Variants in LIN28B observed in about 807,000 individuals in gnomAD.
The protein encoded by LIN28B is lin-28 RNA binding posttranscriptional regulator B.
LIN28B carries 5 observed loss-of-function variants against 21.9 expected under a neutral mutation model. The observed-to-expected ratio is 0.23, with a 90% confidence interval of 0.12 to 0.48. The LOEUF is 0.48. Among genes scored for constraint, LIN28B ranks in the 20% least tolerant of loss-of-function variants. The probability of loss-of-function intolerance (pLI) is 0.98; values close to 1 mark genes in which losing one functional copy is unlikely to be tolerated. For synonymous variants in LIN28B, 109 were observed against 111.3 expected, an observed-to-expected ratio of 0.98 and a Z score of 0.13; for missense variants, 245 against 310.5, an observed-to-expected ratio of 0.79 and a Z score of 1.58.
chr6:104,963,563 T>C (rs1769798086), intron 2 of LIN28B, among the ~76,000 whole-genome samples: 1 of 152,198 alleles, frequency 6.6e-6, no homozygotes, highest in African/African-American at 2.4e-5. Flanking sequence ...ACTTCTTAAA[T>C]ATTTTTCTCC....
At chr6:105,042,679 T>A (rs1771661097) in intron 3 of LIN28B, among the ~76,000 whole-genome samples, 1 of 152,186 alleles carries the variant, frequency 6.6e-6, no homozygotes, top group East Asian at 1.9e-4. Flanking sequence ...GATCATGTTT[T>A]TAGTTCCAGA....
At chr6:104,985,612 T>G (rs1228107739) in intron 2 of LIN28B, among the ~76,000 whole-genome samples, 1 of 152,190 alleles carries the variant, frequency 6.6e-6, no homozygotes, top group African/African-American at 2.4e-5. Context: ...AACAGAATAG[T>G]TTTAAATTTT....
At chr6:104,955,487 C>T (rs116091033), upstream of LIN28B, among the ~76,000 whole-genome samples, 1 of 152,170 alleles carries the variant, frequency 6.6e-6, no homozygotes, top group South Asian at 2.1e-4. Flanking sequence ...AAAATAACTT[C>T]TATTTTTTAT....
intron 3 of LIN28B, among the ~76,000 whole-genome samples, chr6:105,048,290 T>G (rs1048689070): frequency 3.5e-4 from 54 of 152,264 alleles, no homozygotes; most frequent in African/African-American, 1.3e-3. Context: ...GTGGTTTTTG[T>G]CTTTGGTTCT....
intron 2 of LIN28B, among the ~76,000 whole-genome samples, chr6:105,004,276 AG>A (rs1387064735): frequency 6.6e-6 from 1 of 152,228 alleles, no homozygotes; most frequent in Non-Finnish European, 1.5e-5. Flanking sequence ...AGACACACCC[AG>A]GATCAATACT....
chr6:105,077,251 T>C (rs1412603545), intron 3 of LIN28B, among the ~76,000 whole-genome samples: 2 of 152,144 alleles, frequency 1.3e-5, no homozygotes, highest in East Asian at 1.9e-4. Flanking sequence ...TAACCTGTTG[T>C]TCTTTGTGCT....
intron 2 of LIN28B, among the ~76,000 whole-genome samples, chr6:104,962,883 C>T (rs1452223764): frequency 6.6e-6 from 1 of 151,998 alleles, no homozygotes; most frequent in Non-Finnish European, 1.5e-5. Flanking sequence ...AAAATGTGAA[C>T]ATAAGCAGCT....
At chr6:104,962,538 T>C (rs376740606) in intron 2 of LIN28B, among the ~76,000 whole-genome samples, 1 of 152,250 alleles carries the variant, frequency 6.6e-6, no homozygotes, top group East Asian at 1.9e-4. Flanking sequence ...TTATTGTTAC[T>C]GAGTTAAAGC....
chr6:104,970,030 G>A (rs921006092), intron 2 of LIN28B, among the ~76,000 whole-genome samples: 3 of 152,154 alleles, frequency 2.0e-5, no homozygotes, highest in Non-Finnish European at 4.4e-5. Context: ...AGAGGCTTGT[G>A]AAGTATCTGT....
At chr6:105,036,451 T>C (rs914992017) in intron 3 of LIN28B, among the ~76,000 whole-genome samples, 1 of 152,220 alleles carries the variant, frequency 6.6e-6, no homozygotes, top group Non-Finnish European at 1.5e-5. Flanking sequence ...ATCCAAGTCC[T>C]TTCTTCTTGT....
At chr6:104,943,977 A>G (rs1263605010) in intron 2 of LIN28B, among the ~76,000 whole-genome samples, 1 of 152,186 alleles carries the variant, frequency 6.6e-6, no homozygotes, top group Non-Finnish European at 1.5e-5. Context: ...TGACACAATG[A>G]TGCTCGACAA....
At chr6:105,040,238 C>T (rs1319170149) in intron 3 of LIN28B, among the ~76,000 whole-genome samples, 1 of 152,032 alleles carries the variant, frequency 6.6e-6, no homozygotes, top group African/African-American at 2.4e-5. Context: ...CCTTTTTAGT[C>T]ATTATTTGCT....
At chr6:104,992,350 C>T (rs1250847849) in intron 2 of LIN28B, among the ~76,000 whole-genome samples, 1 of 151,656 alleles carries the variant, frequency 6.6e-6, no homozygotes, top group East Asian at 2.0e-4. Context: ...AGCCACTGCG[C>T]CTGGCCTCAT....
chr6:104,959,449 C>T (rs969920970), intron 2 of LIN28B, among the ~76,000 whole-genome samples: 2 of 152,130 alleles, frequency 1.3e-5, no homozygotes, highest in African/African-American at 4.8e-5. Flanking sequence ...ATATCATCTT[C>T]AAATTAAATA....
intron 2 of LIN28B, among the ~76,000 whole-genome samples, chr6:105,018,799 A>T (rs148365346): frequency 2.6e-5 from 4 of 152,010 alleles, no homozygotes; most frequent in African/African-American, 4.8e-5. Context: ...AGTCATTTCA[A>T]AATTTTCTGA....
chr6:104,949,254 A>G (rs895672327), intron 2 of LIN28B, among the ~76,000 whole-genome samples: 2 of 152,220 alleles, frequency 1.3e-5, no homozygotes, highest in African/African-American at 4.8e-5. Flanking sequence ...TTGATACAGG[A>G]TCAATGTAAA....
chr6:104,979,865 C>T (rs1018961278), intron 2 of LIN28B, among the ~76,000 whole-genome samples: 5 of 152,048 alleles, frequency 3.3e-5, no homozygotes, highest in African/African-American at 1.2e-4. Flanking sequence ...TTATTTCTTA[C>T]TTTGGTCCAC....
At chr6:105,013,451 G>C (rs1366532835) in intron 2 of LIN28B, among the ~76,000 whole-genome samples, 1 of 151,402 alleles carries the variant, frequency 6.6e-6, no homozygotes, top group Non-Finnish European at 1.5e-5. Context: ...ATCAAGTTAC[G>C]TTCTGGCCAA....
intron 2 of LIN28B, among the ~76,000 whole-genome samples, chr6:104,996,171 A>T (rs941362390): frequency 1.3e-5 from 2 of 152,068 alleles, no homozygotes; most frequent in African/African-American, 4.8e-5. Context: ...GGAAGCAGGG[A>T]TTTGCTCTGG....
Sources: gnomAD v4.1 joint callset for allele counts (sites outside exome capture counted in the v4.1 genomes callset) on GRCh38, gnomAD v4.1.1 for gene constraint, MANE v1.5 for transcripts, NCBI Gene and HGNC (gene_info 2026-07-23, HGNC 2026-07-21) for gene names.